DOCK8: variants seen among roughly 807,000 people sequenced by gnomAD.
DOCK8 encodes the protein dedicator of cytokinesis protein 8.
A neutral mutation model predicts 245.6 loss-of-function variants in DOCK8; 141 were observed. The ratio of observed to expected loss-of-function variants is 0.57; its 90% CI spans 0.50 to 0.66. DOCK8 has a LOEUF of 0.66. Ranked by LOEUF, DOCK8 falls within the 30% of genes least tolerant of loss-of-function variation. DOCK8 has a pLI of 0.00. For missense variants in DOCK8, 2,965 were observed against 2,603.4 expected (o/e 1.14, Z -3.02); for synonymous variants, 1,168 against 970.2 (o/e 1.20, Z -3.79).
chr9:404,947 G>A lies in DOCK8; in HGVS notation c.3264G>A (p.Thr1088=), dbSNP rs749288959. The A allele has an allele frequency of 8.7e-6, 14 of 1,613,912 alleles. No individual in the cohort carries two copies. In the South Asian group the frequency reaches 1.1e-4, roughly 13 times the overall value. Residue 1088 remains threonine (T), a synonymous_variant, in exon 27 of 48, where the codon ACG becomes ACA. Coordinates refer to ENST00000432829, the MANE Select transcript of DOCK8 (RefSeq NM_203447.4). ...QLSAKLSNLP[T]LISMRLEFLR... is the part of the protein sequence containing the mutation. Reference sequence around the variant, plus strand: ...CAGCCAAGCTCAGTAACCTTCCAACGCTCATTTCCATGAGGCTAGAGTTCC... The same window carrying A: ...CAGCCAAGCTCAGTAACCTTCCAACACTCATTTCCATGAGGCTAGAGTTCC...
In DOCK8 at chr9:286,571, C is replaced by T. The variant is rs770313916; in HGVS notation, c.267C>T (p.Asp89=). 10 of 1,613,860 alleles carry T rather than the reference C, an allele frequency of 6.2e-6. No homozygotes were observed. In the East Asian group the frequency reaches 6.7e-5, roughly 11 times the overall value. The stretch of plus-strand genomic sequence containing the variant: ...AGGAGCTCGGGGACTTCACTGATGA[C>T]GACTTGGACGTGGTGTTCACGCCAA... ...LAQELGDFTD[D]DLDVVFTPKE... is the part of the protein sequence containing the mutation. The change falls in exon 3 of 48, where the codon GAC becomes GAT. Residue 89 remains aspartate (D), a synonymous_variant. Transcript: ENST00000432829.
intron 14 of DOCK8, among the ~76,000 whole-genome samples, chr9:353,747 G>A (rs1024937549): frequency 6.6e-6 from 1 of 152,138 alleles, no homozygotes; most frequent in Non-Finnish European, 1.5e-5. Flanking sequence ...TAACTTTTAG[G>A]TCTTGAGCAA....
intron 15 of DOCK8, chr9:368,425 C>T: frequency 1.6e-6 from 1 of 626,748 alleles, no homozygotes; most frequent in East Asian, 2.7e-5. Context: ...CCACCCCACT[C>T]TAAAGGCATA....
Position 434,864 on chromosome 9 carries a change from G to A in DOCK8, c.4968G>A (p.Lys1656=). The part of the protein sequence containing the change: ...QNMAEKHTKK[K]CYTEAAMCLV... ...TGGCAGAGAAACACACCAAGAAGAA[G>A]TGCTACACGGAGGCTGCCATGTGCC... The change falls in exon 39 of 48, where the codon AAG becomes AAA. Residue 1656 remains lysine (K), a synonymous_variant. Coordinates refer to ENST00000432829, the MANE Select transcript of DOCK8 (RefSeq NM_203447.4). 1 of 1,614,138 alleles carries A rather than the reference G, an allele frequency of 6.2e-7. No homozygotes were observed. Among genetic ancestry groups the A allele is most frequent in the South Asian group, 1.1e-5 (1 of 91,088 alleles).
At chr9:298,026 A>G (rs1056516598) in intron 4 of DOCK8, among the ~76,000 whole-genome samples, 1 of 152,224 alleles carries the variant, frequency 6.6e-6, no homozygotes, top group Non-Finnish European at 1.5e-5. Flanking sequence ...CTCTAACAAA[A>G]TGGAAGACAG....
Position 334,415 on chromosome 9 carries a change from G to A in DOCK8, c.1285+31G>A, listed in dbSNP as rs568425408. The A allele has an allele frequency of 3.1e-6, 5 of 1,608,052 alleles. No homozygotes were observed. In the South Asian group the frequency reaches 4.4e-5, roughly 14 times the overall value. On this transcript the variant is annotated intron_variant, in intron 11 of 47. Coordinates refer to ENST00000432829, the MANE Select transcript of DOCK8 (RefSeq NM_203447.4). Reference sequence around the variant, plus strand: ...ATTTTCACCTGCAGTGGGAAAGGGAGGGCTCCCCAGTGTGCGCTGCCCAGG... The same window carrying A: ...ATTTTCACCTGCAGTGGGAAAGGGAAGGCTCCCCAGTGTGCGCTGCCCAGG...
rs183185409 is a variant in DOCK8, at chr9:356,410, A to G, written c.1680-11608A>G. Among the ~76,000 whole-genome samples, 194 of 152,060 alleles carry G rather than the reference A, an allele frequency of 1.3e-3. 2 individuals are homozygous for G. Among genetic ancestry groups the G allele is most frequent in the Non-Finnish European group, 2.2e-3 (151 of 67,966 alleles). ...CCAGGCGTGGTAGCAGGCGCCTGTA[A>G]TCCCAGCTACTCCGGAGGCTGAGGC... On this transcript the variant is annotated intron_variant, in intron 14 of 47. Coordinates refer to ENST00000432829, the MANE Select transcript of DOCK8 (RefSeq NM_203447.4).
intron 1 of DOCK8, among the ~76,000 whole-genome samples, chr9:260,219 AC>A (rs1439629179): frequency 6.6e-6 from 1 of 152,200 alleles, no homozygotes; most frequent in Non-Finnish European, 1.5e-5. Context: ...AGAACCTCAA[AC>A]TTAGTATGCC....
intron 8 of DOCK8, among the ~76,000 whole-genome samples, chr9:326,344 A>G (rs2050767995): frequency 6.6e-6 from 1 of 152,352 alleles, no homozygotes; most frequent in East Asian, 1.9e-4. Context: ...CTGCATAAAT[A>G]TTAATAATCA....
intron 9 of DOCK8, among the ~76,000 whole-genome samples, chr9:331,556 A>G (rs1197297925): frequency 2.0e-5 from 3 of 152,204 alleles, no homozygotes; most frequent in Admixed American, 2.0e-4. Context: ...TTCAAGGATC[A>G]TCTCAACTGA....
chr9:429,714 C>T lies in DOCK8; in HGVS notation c.4486C>T (p.Leu1496Phe), dbSNP rs757148896. 34 of 1,614,106 alleles carry T rather than the reference C, an allele frequency of 2.1e-5. 1 individual carries two copies. The South Asian group carries it at 3.6e-4, about 17-fold the overall frequency. The change falls in exon 36 of 48, where the codon CTC becomes TTC. Residue 1496 changes from leucine to phenylalanine, a missense_variant. Transcript: ENST00000432829. Reference protein sequence around the residue: ...RALIAKFGDLLFEEEVEQCFD... With the variant: ...RALIAKFGDLFFEEEVEQCFD... The stretch of plus-strand genomic sequence containing the variant: ...ATGTCTCTCCTAGTTTGGAGACTTA[C>T]TCTTTGAAGAGGAGGTGGAACAGTG...
intron 8 of DOCK8, among the ~76,000 whole-genome samples, chr9:326,439 T>G (rs955415865): frequency 2.0e-5 from 3 of 152,190 alleles, no homozygotes; most frequent in Non-Finnish European, 4.4e-5. Flanking sequence ...AACTTGAGCA[T>G]GCATCACAAT....
chr9:290,268 G>A (rs1403542961), intron 4 of DOCK8, among the ~76,000 whole-genome samples: 1 of 151,316 alleles, frequency 6.6e-6, no homozygotes, highest in East Asian at 1.9e-4. Context: ...AACATTATGA[G>A]GTTTTTTTTT....
At chr9:446,321 C>T (rs748070773) in intron 43 of DOCK8, 49 bp from the exon 44 acceptor site, 2 of 1,506,248 alleles carry the variant, frequency 1.3e-6, no homozygotes, top group Middle Eastern at 1.7e-4. Flanking sequence ...TCAGGGATGG[C>T]CGTTTGCAGA....
intron 24 of DOCK8, 137 bp from the exon 25 acceptor site, chr9:396,648 T>G: frequency 8.2e-7 from 1 of 1,222,984 alleles, no homozygotes; most frequent in Non-Finnish European, 1.2e-6. Context: ...CAGAGCTTGC[T>G]CGGGCACCAC....
intron 4 of DOCK8, among the ~76,000 whole-genome samples, chr9:296,570 T>G (rs2049267435): frequency 6.6e-6 from 1 of 152,198 alleles, no homozygotes; most frequent in Admixed American, 6.5e-5. Flanking sequence ...GTTTTATTAC[T>G]CCATATTTTA....
intron 25 of DOCK8, 32 bp downstream of exon 25, chr9:396,966 T>C (rs1326878905): frequency 6.3e-7 from 1 of 1,599,868 alleles, no homozygotes; most frequent in Non-Finnish European, 8.6e-7. Context: ...TTTTCTAAAT[T>C]GTTTACCTGG....
At chr9:400,001 C>T (rs1288885716) in intron 26 of DOCK8, among the ~76,000 whole-genome samples, 1 of 109,166 alleles carries the variant, frequency 9.2e-6, no homozygotes, top group African/African-American at 3.2e-5. Context: ...ACCACCTCCA[C>T]CACCTCCACC....
rs368845261 is a variant in DOCK8 at position 302,039 on chromosome 9, C to G, written c.405-2542C>G. ...TGTGGAACCAAAAAACCTGAATAGC[C>G]AAAGCAATCTTAAGCAAAAAGAACA... is the stretch of plus-strand genomic sequence containing the variant. On this transcript the variant is annotated intron_variant, in intron 4 of 47. Transcript: ENST00000432829. 1.9e-3 allele frequency among the ~76,000 whole-genome samples: 281 copies of G among 151,558 alleles called. 9 individuals carry two copies. In the South Asian group the frequency reaches 0.055, roughly 30 times the overall value.
Sources: gnomAD v4.1 joint callset for allele counts (sites outside exome capture counted in the v4.1 genomes callset) on GRCh38, gnomAD v4.1.1 for gene constraint, MANE v1.5 for transcripts, NCBI Gene and HGNC (gene_info 2026-07-23, HGNC 2026-07-21) for gene names.